Variants in LYN observed in about 807,000 individuals in gnomAD.
LYN encodes tyrosine-protein kinase Lyn.
In LYN, 12 loss-of-function variants were observed where a neutral mutation model predicts 65.0. The ratio of observed to expected loss-of-function variants is 0.18; its 90% confidence interval spans 0.12 to 0.30. The LOEUF is 0.30. Ranked by LOEUF, LYN falls within the 10% of genes least tolerant of loss-of-function variation. The pLI is 1.00. For synonymous variants in LYN, 222 were observed against 221.2 expected, an observed-to-expected ratio of 1.00 and a Z score of -0.03; for missense variants, 380 against 623.2, an observed-to-expected ratio of 0.61 and a Z score of 4.16.
chr8:55,996,057 G>T (rs912643452), intron 10 of LYN, among the ~76,000 whole-genome samples: 1 of 152,172 alleles, frequency 6.6e-6, no homozygotes, highest in Non-Finnish European at 1.5e-5. Flanking sequence ...AAGTTTGAAG[G>T]CTCCAATGTA....
Position 55,953,700 on chromosome 8 carries a change from C to G in LYN, c.638-132C>G. On this transcript the variant is annotated intron_variant, in intron 7 of 12. Transcript: ENST00000519728. ...CAAATTTCAAAAGTCACAATTATGT[C>G]AAGGATGCATTTTAGTTCACAGACT... The G allele has an allele frequency of 4.6e-6, 3 of 655,246 alleles. No homozygotes were observed. In the South Asian group the frequency reaches 9.1e-5, roughly 20 times the overall value. 40.6% of individuals were successfully genotyped at this position (655,246 alleles called of 1,614,324 possible).
chr8:55,937,066 G>A (rs1040337213), intron 1 of LYN, among the ~76,000 whole-genome samples: 16 of 152,166 alleles, frequency 1.1e-4, no homozygotes, highest in African/African-American at 3.6e-4. Context: ...GCAAAGTCAG[G>A]CAATAGACCC....
rs112304696 is a variant in LYN, at chr8:55,898,375, G to A, written c.-6+18272G>A. 4.9e-3 allele frequency among the ~76,000 whole-genome samples: 747 copies of A among 152,038 alleles called. 6 individuals are homozygous for A. Among genetic ancestry groups the A allele is most frequent in the African/African-American group, 0.017 (692 of 41,458 alleles). ...ACACTCTTGGCTCACTGCAACCTCC[G>A]CCTTCCGTGTTCAAGCAATCCTCCC... is the stretch of plus-strand genomic sequence containing the variant. On this transcript the variant is annotated intron_variant, in intron 1 of 12. Coordinates refer to ENST00000519728, the MANE Select transcript of LYN (RefSeq NM_002350.4).
chr8:55,921,097 C>A (rs973271868), intron 1 of LYN, among the ~76,000 whole-genome samples: 2 of 152,150 alleles, frequency 1.3e-5, no homozygotes, highest in Non-Finnish European at 2.9e-5. Flanking sequence ...CGTCTAGATA[C>A]GTCTGAAACG....
intron 8 of LYN, among the ~76,000 whole-genome samples, chr8:55,965,862 T>C (rs1807440814): frequency 6.6e-6 from 1 of 152,132 alleles, no homozygotes; most frequent in Non-Finnish European, 1.5e-5. Flanking sequence ...CAGTGGCTCA[T>C]GCTTATAATC....
chr8:55,946,651 A>G (rs530080946), intron 3 of LYN, among the ~76,000 whole-genome samples, 158 bp downstream of exon 3: 1 of 152,320 alleles, frequency 6.6e-6, no homozygotes, highest in East Asian at 1.9e-4. Flanking sequence ...TTTCAGCAGC[A>G]TTAGGTACAT....
chr8:55,918,522 T>C (rs552051334), intron 1 of LYN, among the ~76,000 whole-genome samples: 1 of 152,330 alleles, frequency 6.6e-6, no homozygotes, highest in Non-Finnish European at 1.5e-5. Flanking sequence ...CAGCAAAATA[T>C]ATGTTTAAGT....
At chr8:55,935,855 G>A (rs1806419485) in intron 1 of LYN, among the ~76,000 whole-genome samples, 1 of 151,692 alleles carries the variant, frequency 6.6e-6, no homozygotes, top group South Asian at 2.1e-4. Context: ...AATTAATGGA[G>A]TTGGTGGTGG....
intron 9 of LYN, among the ~76,000 whole-genome samples, chr8:55,968,798 C>G (rs1168000610): frequency 6.6e-6 from 1 of 152,188 alleles, no homozygotes. Flanking sequence ...AGTACATGCC[C>G]ATTTTACAGA....
rs180843787 is a variant in LYN at position 55,977,731 on chromosome 8, A to G, written c.1050+7938A>G. Among the ~76,000 whole-genome samples, 26 of 146,374 alleles carry G rather than the reference A, an allele frequency of 1.8e-4. No homozygotes were observed. In the East Asian group the frequency reaches 4.4e-3, roughly 25 times the overall value. ...AGTTTGAGCCCAGCCTGGGCAACAC[A>G]GTGAGACTCCTATCTCTACCAAAAA... is the stretch of plus-strand genomic sequence containing the variant. On this transcript the variant is annotated intron_variant, in intron 10 of 12. Coordinates refer to ENST00000519728, the MANE Select transcript of LYN (RefSeq NM_002350.4).
chr8:55,918,581 T>G (rs996814680), intron 1 of LYN, among the ~76,000 whole-genome samples: 1 of 152,188 alleles, frequency 6.6e-6, no homozygotes, highest in African/African-American at 2.4e-5. Context: ...TAATAATGCA[T>G]TTTGTCCATC....
rs2130492228 is a variant in LYN, at chr8:55,950,708, G to A, written c.411G>A (p.Lys137=). The change falls in exon 6 of 13, where the codon AAG becomes AAA. Residue 137 remains lysine (K), a synonymous_variant. Coordinates refer to ENST00000519728, the MANE Select transcript of LYN (RefSeq NM_002350.4). ...GGTTTTTCAAGGATATAACCAGGAA[G>A]GACGCAGAAAGGCAGCTTTTGGCAC... is the stretch of plus-strand genomic sequence containing the variant. The part of the protein sequence containing the change: ...EEWFFKDITR[K]DAERQLLAPG... The A allele has an allele frequency of 1.2e-6, 2 of 1,613,942 alleles. No individual in the cohort carries two copies. The highest frequency in any genetic ancestry group is 1.7e-5 in the Admixed American group (1 of 60,026).
At chr8:55,998,622 C>CTGTACG in intron 11 of LYN, 123 bp downstream of exon 11, 3 of 850,220 alleles carry the variant, frequency 3.5e-6, no homozygotes, top group Non-Finnish European at 3.7e-6. Flanking sequence ...AACATTTAAG[C>CTGTACG]TGTACCATAA....
At position 56,013,155 on chromosome 8, in the gene LYN, A is replaced by G. The variant is rs1388492008; in HGVS notation, c.*3045A>G. The G allele has an allele frequency of 3.3e-5, 5 of 152,244 alleles. No homozygotes were observed. In the East Asian group the frequency reaches 9.6e-4, roughly 29 times the overall value. The allele number at this position is 152,244 out of a possible 1,614,324, so 9.4% of individuals were successfully genotyped here. A position where few individuals can be genotyped will look rare whatever the true frequency, so the allele number is the denominator to read the frequency against. On this transcript the variant is annotated 3_prime_UTR_variant, in exon 13 of 13. Transcript: ENST00000519728. ...AAGGGTGCATAAAAGGATAATAACT[A>G]AAAGGAGGGAATTAATTTTGTTGCC...
At chr8:56,005,228 C>T (rs184694414) in intron 12 of LYN, among the ~76,000 whole-genome samples, 3 of 152,310 alleles carry the variant, frequency 2.0e-5, no homozygotes, top group African/African-American at 4.8e-5. Context: ...GGGAGTCATA[C>T]AGTTTTGCCC....
intron 12 of LYN, among the ~76,000 whole-genome samples, chr8:55,999,753 C>G (rs1467211901): frequency 1.3e-5 from 2 of 152,154 alleles, no homozygotes. Context: ...AGGTGGATCA[C>G]CTGAGGTCGG....
intron 9 of LYN, 74 bp downstream of exon 9, chr8:55,966,971 T>A: frequency 7.3e-7 from 1 of 1,370,802 alleles, no homozygotes; most frequent in Non-Finnish European, 1.0e-6. Context: ...TGTTCAGAGG[T>A]CACTCAACTA....
chr8:55,901,357 C>G (rs1805256202), intron 1 of LYN, among the ~76,000 whole-genome samples: 1 of 152,152 alleles, frequency 6.6e-6, no homozygotes, highest in Non-Finnish European at 1.5e-5. Context: ...GTTCTCTTGT[C>G]TGATGAAGTC....
At chr8:55,884,604 C>G (rs1340636670) in intron 1 of LYN, among the ~76,000 whole-genome samples, 1 of 151,706 alleles carries the variant, frequency 6.6e-6, no homozygotes, top group Non-Finnish European at 1.5e-5. Flanking sequence ...TACAGGCGCC[C>G]GCCACCATGC....
Sources: gnomAD v4.1 joint callset for allele counts (sites outside exome capture counted in the v4.1 genomes callset) on GRCh38, gnomAD v4.1.1 for gene constraint, MANE v1.5 for transcripts, NCBI Gene and HGNC (gene_info 2026-07-23, HGNC 2026-07-21) for gene names.